Variants in CEP97 observed in about 807,000 individuals in gnomAD.
The protein encoded by CEP97 is centrosomal protein of 97 kDa.
A neutral mutation model predicts 73.1 loss-of-function variants in CEP97; 43 were observed. The ratio of observed to expected loss-of-function variants is 0.59; its 90% CI spans 0.46 to 0.76. The LOEUF (loss-of-function observed/expected upper bound fraction) is 0.76. CEP97 is among the 30% of genes least tolerant of loss of function. CEP97 has a pLI of 0.00. For synonymous variants in CEP97, 337 were observed against 370.0 expected (o/e 0.91, Z 1.02); for missense variants, 939 against 1,014.0 (o/e 0.93, Z 1.00).
In CEP97 at chr3:101,758,360, G is replaced by C; in HGVS notation, c.1754G>C (p.Arg585Pro). The C allele has an allele frequency of 6.2e-7, 1 of 1,614,174 alleles. No individual in the cohort carries two copies. Among genetic ancestry groups the C allele is most frequent in the Non-Finnish European group, 8.5e-7 (1 of 1,180,032 alleles). ...RNYNPQAKDVRYEIRLRRMQE... is the reference protein window; with the variant it reads ...RNYNPQAKDVPYEIRLRRMQE... ...TACAACCCTCAAGCCAAAGATGTGC[G>C]TTACGAAATCCGGCTACGCAGAATG... Residue 585 changes from arginine to proline, a missense_variant, in exon 9 of 11, where the codon CGT becomes CCT. By Grantham distance (103) the Arg-to-Pro change is moderately radical. Coordinates refer to ENST00000341893, the MANE Select transcript of CEP97 (RefSeq NM_024548.4).
chr3:101,770,343 T>C lies in CEP97; in HGVS notation c.*4792T>C, dbSNP rs750099553. 1 of 152,158 alleles carries C rather than the reference T, an allele frequency of 6.6e-6. No homozygotes were observed. Among genetic ancestry groups the C allele is most frequent in the Non-Finnish European group, 1.5e-5 (1 of 68,006 alleles). The allele number at this position is 152,158 out of a possible 1,614,324, so 9.4% of individuals were successfully genotyped here. A position where few individuals can be genotyped will look rare whatever the true frequency, so the allele number is the denominator to read the frequency against. ...TGGCCTTGTTCATCTTCTAATTAAA[T>C]ATCTTTGAATGTTTTGTAATAATTT... On this transcript the variant is annotated 3_prime_UTR_variant, in exon 11 of 11. Transcript: ENST00000341893.
rs531615738 is a variant in CEP97, at chr3:101,730,955, A to ATT, written c.448-869_448-868dup. On this transcript the variant is annotated intron_variant, in intron 4 of 10. Transcript: ENST00000341893. ...ATTCAAATGAACCAAAGATGATTGA[A>ATT]TTTTTTTTTTTTTTTTTGCTGGAAT... Among the ~76,000 whole-genome samples, 12 of 139,536 alleles carry ATT rather than the reference A, an allele frequency of 8.6e-5. 1 individual carries two copies. Among genetic ancestry groups the ATT allele is most frequent in the Admixed American group, 3.6e-4 (5 of 13,766 alleles). The allele number at this position is 139,536 out of a possible 152,430, so 91.5% of individuals were successfully genotyped here.
At position 101,758,353 on chromosome 3, in the gene CEP97, G is replaced by A. The variant is rs1939078114; in HGVS notation, c.1747G>A (p.Asp583Asn). The part of the protein sequence containing the change: ...YARNYNPQAK[D>N]VRYEIRLRRM... ...CAGGAACTACAACCCTCAAGCCAAA[G>A]ATGTGCGTTACGAAATCCGGCTACG... Residue 583 changes from aspartate (D) to asparagine (N), a missense_variant, in exon 9 of 11, where the codon GAT (aspartate) becomes AAT (asparagine). Transcript: ENST00000341893. The A allele has an allele frequency of 2.5e-6, 4 of 1,614,204 alleles. No homozygotes were observed. The highest frequency in any genetic ancestry group is 3.4e-6 in the Non-Finnish European group (4 of 1,180,046).
At chr3:101,734,971 G>A (rs1938227875) in intron 6 of CEP97, among the ~76,000 whole-genome samples, 1 of 152,154 alleles carries the variant, frequency 6.6e-6, no homozygotes, top group Non-Finnish European at 1.5e-5. Context: ...GTTCCTTAGG[G>A]CTTTTCTGAG....
At chr3:101,740,648 G>A (rs1258168687) in intron 6 of CEP97, among the ~76,000 whole-genome samples, 1 of 151,700 alleles carries the variant, frequency 6.6e-6, no homozygotes, top group Non-Finnish European at 1.5e-5. Context: ...GGAGTGCAAT[G>A]GCATGATCTC....
intron 6 of CEP97, among the ~76,000 whole-genome samples, chr3:101,747,369 C>G (rs934801301): frequency 6.6e-6 from 1 of 150,514 alleles, no homozygotes; most frequent in African/African-American, 2.5e-5. Context: ...TGGCCATTCT[C>G]CTGCCTCAGC....
At chr3:101,753,477 T>C (rs1045168778) in intron 6 of CEP97, among the ~76,000 whole-genome samples, 4 of 152,234 alleles carry the variant, frequency 2.6e-5, no homozygotes, top group Non-Finnish European at 4.4e-5. Context: ...TACTGCTGTC[T>C]TTTTGTTTGT....
At chr3:101,756,488 C>G (rs1390285410) in intron 7 of CEP97, among the ~76,000 whole-genome samples, 1 of 151,880 alleles carries the variant, frequency 6.6e-6, no homozygotes, top group African/African-American at 2.4e-5. Context: ...TTCAGACCCC[C>G]TTCAGTCCGT....
chr3:101,746,333 T>C (rs1310750610), intron 6 of CEP97, among the ~76,000 whole-genome samples: 10 of 151,942 alleles, frequency 6.6e-5, no homozygotes, highest in African/African-American at 2.2e-4. Context: ...AACAGAGATA[T>C]AGATCAATGG....
At chr3:101,755,406 CT>C (rs1460560935) in intron 6 of CEP97, 23 bp from the exon 7 acceptor site, 1 of 1,610,860 alleles carries the variant, frequency 6.2e-7, no homozygotes, top group South Asian at 1.1e-5. Flanking sequence ...GCCATCTCCT[CT>C]TTTTTATGTT....
Position 101,762,578 on chromosome 3 carries a change from G to GATTT in CEP97, c.1893+20_1893+23dup. 6.4e-7 allele frequency: 1 copy of GATTT among 1,570,712 alleles called. No individual in the cohort carries two copies. ...GGAACCAGGTAAACTCCCTCCTGCT[G>GATTT]ATTTACCTCATATATGATCAAATAC... is the stretch of plus-strand genomic sequence containing the variant. On this transcript the variant is annotated intron_variant, in intron 10 of 10. Coordinates refer to ENST00000341893, the MANE Select transcript of CEP97 (RefSeq NM_024548.4).
intron 1 of CEP97, among the ~76,000 whole-genome samples, chr3:101,725,125 C>T (rs1032307960): frequency 2.6e-5 from 4 of 152,220 alleles, no homozygotes; most frequent in Non-Finnish European, 5.9e-5. Flanking sequence ...CTGGAACCAT[C>T]AGGAAAACCT....
chr3:101,749,530 A>G (rs1938735454), intron 6 of CEP97, among the ~76,000 whole-genome samples: 2 of 129,984 alleles, frequency 1.5e-5, no homozygotes, highest in Admixed American at 7.8e-5. Context: ...TGGCTGGGTC[A>G]AATGGTATTT....
chr3:101,742,063 C>CA (rs911284922), intron 6 of CEP97, among the ~76,000 whole-genome samples: 6 of 146,630 alleles, frequency 4.1e-5, no homozygotes, highest in Admixed American at 3.4e-4. Context: ...AACAAAAAAA[C>CA]AAAAAAACAA....
chr3:101,754,796 G>A (rs73143813), intron 6 of CEP97, among the ~76,000 whole-genome samples: 12,328 of 151,926 alleles, frequency 0.081, 735 homozygotes, highest in East Asian at 0.19. Context: ...CCCATTATCT[G>A]CTCATTTTAC....
chr3:101,751,613 T>C (rs1260818921), intron 6 of CEP97, among the ~76,000 whole-genome samples: 3 of 152,238 alleles, frequency 2.0e-5, no homozygotes. Context: ...TTGGTGCATA[T>C]ATATTTAGGA....
rs575694932 is a variant in CEP97 at position 101,743,999 on chromosome 3, C to A, written c.728+11345C>A. Among the ~76,000 whole-genome samples, 6 of 128,744 alleles carry A rather than the reference C, an allele frequency of 4.7e-5. No individual in the cohort carries two copies. In the East Asian group the frequency reaches 1.4e-3, roughly 30 times the overall value. 84.5% of individuals were successfully genotyped at this position (128,744 alleles called of 152,430 possible). On this transcript the variant is annotated intron_variant, in intron 6 of 10. Transcript: ENST00000341893. ...AGCCTGGGCAACAAGAGTGAAACTC[C>A]GTCTCAAAAAAAAAAAAAAAAGACT...
chr3:101,746,671 G>T (rs140635557), intron 6 of CEP97, among the ~76,000 whole-genome samples: 1,667 of 152,232 alleles, frequency 0.011, 18 homozygotes, highest in Non-Finnish European at 0.016. Flanking sequence ...AGATAAAATT[G>T]ACAAATGGGA....
At chr3:101,732,802 G>A (rs1229767343) in intron 6 of CEP97, 148 bp downstream of exon 6, 2 of 643,238 alleles carry the variant, frequency 3.1e-6, no homozygotes, top group Non-Finnish European at 5.1e-6. Flanking sequence ...GGTCATTTAG[G>A]ATTTTCTGTC....
Sources: allele counts gnomAD v4.1 joint callset (sites outside exome capture counted in the v4.1 genomes callset), GRCh38; gene constraint gnomAD v4.1.1; transcripts MANE v1.5; gene names NCBI Gene and HGNC (gene_info 2026-07-23, HGNC 2026-07-21).